G3BP1: variants seen among roughly 807,000 people sequenced by gnomAD.
G3BP1 encodes ras GTPase-activating protein-binding protein 1.
G3BP1 carries 35 observed loss-of-function variants against 58.6 expected under a neutral mutation model. The ratio of observed to expected loss-of-function variants is 0.60; its 90% CI spans 0.46 to 0.79. The LOEUF (loss-of-function observed/expected upper bound fraction) is 0.79, where lower values mean the gene tolerates loss of function less well. G3BP1 is among the 30% of genes least tolerant of loss of function. The probability of loss-of-function intolerance (pLI) is 0.00; values close to 1 mark genes in which losing one functional copy is unlikely to be tolerated. For synonymous variants in G3BP1, 191 were observed against 195.4 expected, an observed-to-expected ratio of 0.98 and a Z score of 0.19; for missense variants, 523 against 580.8, an observed-to-expected ratio of 0.90 and a Z score of 1.02.
At chr5:151,792,672 T>A (rs1762680153) in intron 4 of G3BP1, among the ~76,000 whole-genome samples, 2 of 151,336 alleles carry the variant, frequency 1.3e-5, no homozygotes, top group South Asian at 4.2e-4. Context: ...GGTAGGATCA[T>A]GACTTACTGC....
intron 2 of G3BP1, 126 bp from the exon 3 acceptor site, chr5:151,790,197 C>T: frequency 2.0e-6 from 1 of 491,110 alleles, no homozygotes; most frequent in Admixed American, 4.2e-5. Flanking sequence ...CATCACTGCA[C>T]TCCAGCCTGG....
At chr5:151,785,865 G>T (rs544648222) in intron 1 of G3BP1, among the ~76,000 whole-genome samples, 1 of 152,214 alleles carries the variant, frequency 6.6e-6, no homozygotes, top group East Asian at 1.9e-4. Flanking sequence ...ATTTAGATGG[G>T]CCAGAAAATG....
intron 9 of G3BP1, 26 bp downstream of exon 9, chr5:151,800,026 C>T (rs372032619): frequency 4.4e-5 from 64 of 1,444,608 alleles, no homozygotes; most frequent in South Asian, 4.1e-4. Flanking sequence ...GGCGATTTCT[C>T]GTTTGGGGGA....
rs1264818767 is a variant in G3BP1, at chr5:151,804,368, T to C, written c.*277T>C. 6.2e-6 allele frequency: 2 copies of C among 324,852 alleles called. No homozygotes were observed. Among genetic ancestry groups the C allele is most frequent in the Non-Finnish European group, 1.1e-5 (2 of 180,164 alleles). The allele number at this position is 324,852 out of a possible 1,614,324, so 20.1% of individuals were successfully genotyped here. A position where few individuals can be genotyped will look rare whatever the true frequency, so the allele number is the denominator to read the frequency against. On this transcript the variant is annotated 3_prime_UTR_variant, in exon 12 of 12. Transcript: ENST00000356245. ...AAAAGACTGAATTTCCTTGCTTACT[T>C]TGCATATACAGACTGGATTTTTTTT...
intron 1 of G3BP1, among the ~76,000 whole-genome samples, chr5:151,783,793 C>T (rs972199199): frequency 1.3e-5 from 2 of 151,804 alleles, no homozygotes; most frequent in South Asian, 2.1e-4. Flanking sequence ...GATGGAGTCA[C>T]GCTCTGTCGC....
chr5:151,786,928 C>A, intron 2 of G3BP1: 1 of 334,772 alleles, frequency 3.0e-6, no homozygotes, highest in Non-Finnish European at 5.4e-6. Context: ...CTGCAACGTC[C>A]ACCTCCCCAG....
chr5:151,772,816 G>A (rs536056043), intron 1 of G3BP1: 1 of 152,328 alleles, frequency 6.6e-6, no homozygotes, highest in South Asian at 2.1e-4. Context: ...TTTAGTCTTT[G>A]CCCCCAGAGC....
intron 1 of G3BP1, among the ~76,000 whole-genome samples, chr5:151,779,613 A>G (rs985281834): frequency 6.6e-5 from 10 of 152,176 alleles, no homozygotes; most frequent in Non-Finnish European, 1.5e-4. Flanking sequence ...CACAGTACAT[A>G]TTTGGCAACT....
At chr5:151,799,390 A>G in intron 8 of G3BP1, 77 bp downstream of exon 8, 1 of 819,412 alleles carries the variant, frequency 1.2e-6, no homozygotes, top group Non-Finnish European at 2.1e-6. Flanking sequence ...AGGTTTAGAG[A>G]ATGTGAAAAC....
rs778241125 is a variant in G3BP1, at chr5:151,771,990, T to C, written c.-96T>C. 1 of 152,464 alleles carries C rather than the reference T, an allele frequency of 6.6e-6. No individual in the cohort carries two copies. The highest frequency in any genetic ancestry group is 1.5e-5 in the Non-Finnish European group (1 of 68,240). 9.4% of individuals were successfully genotyped at this position (152,464 alleles called of 1,614,324 possible). ...GTTGCGTGAGGGGTTTGTACTATCC[T>C]CGGTGCTGTGGTGCAGAGCTAGTTC... On this transcript the variant is annotated 5_prime_UTR_variant, in exon 1 of 12. Transcript: ENST00000356245.
At chr5:151,799,756 A>G (rs1762817890) in intron 8 of G3BP1, 133 bp from the exon 9 acceptor site, 1 of 632,148 alleles carries the variant, frequency 1.6e-6, no homozygotes, top group Non-Finnish European at 2.8e-6. Context: ...AGGGTATAAG[A>G]TGGTTTTTAA....
intron 1 of G3BP1, among the ~76,000 whole-genome samples, chr5:151,784,359 T>C (rs1762522818): frequency 6.6e-6 from 1 of 152,218 alleles, no homozygotes; most frequent in South Asian, 2.1e-4. Flanking sequence ...CAGTGTTATG[T>C]CTGCTATCTT....
chr5:151,800,705 T>C, intron 10 of G3BP1, 55 bp from the exon 11 acceptor site: 2 of 1,049,134 alleles, frequency 1.9e-6, no homozygotes, highest in Admixed American at 3.4e-5. Context: ...TGTGTACATG[T>C]AATGTTTAAA....
chr5:151,782,641 TGA>T (rs548817422), intron 1 of G3BP1, among the ~76,000 whole-genome samples: 195 of 152,308 alleles, frequency 1.3e-3, no homozygotes, highest in African/African-American at 4.4e-3. Flanking sequence ...CTTAGTGTGC[TGA>T]GAGTGTTTAT....
In G3BP1 at chr5:151,803,997, G is replaced by A; in HGVS notation, c.1307G>A (p.Gly436Asp). 1.2e-6 allele frequency: 2 copies of A among 1,613,788 alleles called. No individual in the cohort carries two copies. Among genetic ancestry groups the A allele is most frequent in the South Asian group, 1.1e-5 (1 of 90,988 alleles). ...NRLRGPGGPRGGLGGGMRGPP... is the reference protein window; with the variant it reads ...NRLRGPGGPRDGLGGGMRGPP... Reference sequence around the variant, plus strand: ...CTTCGGGGACCTGGAGGCCCTCGAGGTGGGCTGGGTGGTGGAATGAGAGGC... The same window carrying A: ...CTTCGGGGACCTGGAGGCCCTCGAGATGGGCTGGGTGGTGGAATGAGAGGC... The change falls in exon 12 of 12, where the codon GGT becomes GAT. Residue 436 changes from glycine (G) to aspartate (D), a missense_variant. Around this residue, in one of 2 missense-constraint regions of G3BP1, gnomAD observed 125 missense variants for 181.7 expected, o/e 0.69. Transcript: ENST00000356245.
chr5:151,802,273 C>T (rs1478958997), intron 11 of G3BP1, among the ~76,000 whole-genome samples: 1 of 152,234 alleles, frequency 6.6e-6, no homozygotes, highest in Non-Finnish European at 1.5e-5. Context: ...ACCAAAGCCA[C>T]TGAAGAACCC....
At chr5:151,794,782 T>G (rs56731528) in intron 5 of G3BP1, among the ~76,000 whole-genome samples, 1 of 152,234 alleles carries the variant, frequency 6.6e-6, no homozygotes, top group African/African-American at 2.4e-5. Flanking sequence ...ATAGTAGAAT[T>G]GAGTGTTGTT....
intron 2 of G3BP1, among the ~76,000 whole-genome samples, chr5:151,789,613 G>A (rs898075451): frequency 2.6e-5 from 4 of 152,312 alleles, no homozygotes; most frequent in East Asian, 3.9e-4. Flanking sequence ...AAGGGGAACC[G>A]CTCACGCTTA....
chr5:151,791,576 A>T (rs1295917807), intron 4 of G3BP1: 1 of 158,220 alleles, frequency 6.3e-6, no homozygotes, highest in South Asian at 1.8e-4. Flanking sequence ...AGTGCTTCAC[A>T]TTAGGCATAT....
Sources: gnomAD v4.1 joint callset for allele counts (sites outside exome capture counted in the v4.1 genomes callset) on GRCh38, gnomAD v4.1.1 for gene constraint, gnomAD v4.1.1 regional missense constraint, MANE v1.5 for transcripts, NCBI Gene and HGNC (gene_info 2026-07-23, HGNC 2026-07-21) for gene names.